Variants in CORIN observed in about 807,000 individuals in gnomAD.
The protein encoded by CORIN is atrial natriuretic peptide-converting enzyme.
A neutral mutation model predicts 125.3 loss-of-function variants in CORIN; 117 were observed. That is an observed-to-expected ratio of 0.93 (90% CI 0.80 to 1.09). The LOEUF is 1.09. CORIN is among the 50% of genes least tolerant of loss of function. The pLI is 0.00. For missense variants in CORIN, 1,253 were observed against 1,306.7 expected, an observed-to-expected ratio of 0.96 and a Z score of 0.63; for synonymous variants, 450 against 466.4, an observed-to-expected ratio of 0.96 and a Z score of 0.45.
chr4:47,773,624 G>A (rs1470584445), intron 3 of CORIN, among the ~76,000 whole-genome samples: 2 of 152,048 alleles, frequency 1.3e-5, no homozygotes, highest in Admixed American at 1.3e-4. Flanking sequence ...CTCTGCAAAG[G>A]AAGATTTTAT....
At chr4:47,750,240 T>G (rs1405597888) in intron 4 of CORIN, among the ~76,000 whole-genome samples, 1 of 152,156 alleles carries the variant, frequency 6.6e-6, no homozygotes, top group Admixed American at 6.5e-5. Context: ...AAGAGGCTTC[T>G]TTGGTTTCTA....
At chr4:47,602,296 C>A (rs1174437854) in intron 20 of CORIN, among the ~76,000 whole-genome samples, 2 of 151,962 alleles carry the variant, frequency 1.3e-5, no homozygotes, top group Admixed American at 1.3e-4. Context: ...AACAAACAAA[C>A]AATTATTATT....
At chr4:47,706,503 GC>G in intron 5 of CORIN, 1 of 1,611,488 alleles carries the variant, frequency 6.2e-7, no homozygotes, top group South Asian at 1.1e-5. Context: ...GCCCCACCCG[GC>G]CTGATAAAGC....
chr4:47,715,727 C>T (rs1032509459), intron 5 of CORIN, among the ~76,000 whole-genome samples: 2 of 152,186 alleles, frequency 1.3e-5, no homozygotes, highest in East Asian at 1.9e-4. Flanking sequence ...TGATCATAAT[C>T]GTCATAATAT....
At chr4:47,744,374 A>G (rs1190725562) in intron 5 of CORIN, 28 bp downstream of exon 5, 1 of 1,599,170 alleles carries the variant, frequency 6.3e-7, no homozygotes, top group South Asian at 1.1e-5. Context: ...AAAATCTTCT[A>G]AAAATGAAAT....
chr4:47,806,294 G>A lies in CORIN; in HGVS notation c.208+609C>T, dbSNP rs76458124. Among the ~76,000 whole-genome samples, 1,016 of 152,246 alleles carry A rather than the reference G, an allele frequency of 6.7e-3. 13 individuals carry two copies. Among genetic ancestry groups the A allele is most frequent in the African/African-American group, 0.022 (911 of 41,548 alleles). ...ATTCCTTAGTATTTAGTATGAAAAT[G>A]TAAGATGCTGTTTAATTTGGACTTT... On this transcript the variant is annotated intron_variant, in intron 2 of 21. Coordinates refer to ENST00000273857, the MANE Select transcript of CORIN (RefSeq NM_006587.4).
At chr4:47,618,344 A>AG (rs1553904530) in intron 19 of CORIN, among the ~76,000 whole-genome samples, 4 of 134,474 alleles carry the variant, frequency 3.0e-5, no homozygotes, top group Admixed American at 2.3e-4. Flanking sequence ...AAAAAAAAAA[A>AG]GGAAAGGAAA....
chr4:47,794,006 T>C (rs888900604), intron 2 of CORIN, among the ~76,000 whole-genome samples: 3 of 152,070 alleles, frequency 2.0e-5, no homozygotes, highest in Non-Finnish European at 4.4e-5. Flanking sequence ...CGGGCCTCAG[T>C]AGTTAAAGAA....
At chr4:47,786,340 G>A (rs1730809667) in intron 3 of CORIN, among the ~76,000 whole-genome samples, 1 of 152,050 alleles carries the variant, frequency 6.6e-6, no homozygotes, top group Non-Finnish European at 1.5e-5. Flanking sequence ...TTCGAGACCA[G>A]CCTGGCCAAT....
intron 5 of CORIN, chr4:47,706,530 C>T: frequency 1.9e-6 from 3 of 1,611,168 alleles, no homozygotes; most frequent in Non-Finnish European, 2.5e-6. Context: ...AACTGGGCTA[C>T]AAGGCCAAGC....
rs77566459 is a variant in CORIN at position 47,808,368 on chromosome 4, C to T, written c.64-1321G>A. Among the ~76,000 whole-genome samples the T allele has an allele frequency of 7.5e-3, 1,145 of 152,230 alleles. 13 individuals carry two copies. Among genetic ancestry groups the T allele is most frequent in the African/African-American group, 0.026 (1,077 of 41,530 alleles). ...CTGTAATATTCTCAGGACTTCCTGA[C>T]GAGTATTTGATTATTTCCCGTGGAT... On this transcript the variant is annotated intron_variant, in intron 1 of 21. Coordinates refer to ENST00000273857, the MANE Select transcript of CORIN (RefSeq NM_006587.4).
At chr4:47,669,865 G>A (rs1013043372) in intron 10 of CORIN, among the ~76,000 whole-genome samples, 8 of 152,104 alleles carry the variant, frequency 5.3e-5, no homozygotes, top group African/African-American at 7.2e-5. Context: ...CACCGCACCC[G>A]GCTTCTTTAT....
intron 3 of CORIN, among the ~76,000 whole-genome samples, chr4:47,765,039 C>T (rs1268248186): frequency 6.6e-6 from 1 of 152,058 alleles, no homozygotes; most frequent in African/African-American, 2.4e-5. Flanking sequence ...GGGCCGGGTG[C>T]GGTGGCTCAC....
chr4:47,686,185 AC>A (rs1725509770), intron 6 of CORIN, among the ~76,000 whole-genome samples: 1 of 151,780 alleles, frequency 6.6e-6, no homozygotes, highest in Non-Finnish European at 1.5e-5. Flanking sequence ...TAAAAAAAAA[AC>A]AACTTAAAGT....
chr4:47,795,293 G>T (rs1296868238), intron 2 of CORIN, among the ~76,000 whole-genome samples: 1 of 152,056 alleles, frequency 6.6e-6, no homozygotes, highest in Non-Finnish European at 1.5e-5. Context: ...GGCTCCAAAT[G>T]AATTTTAGGA....
intron 5 of CORIN, among the ~76,000 whole-genome samples, chr4:47,740,588 C>T (rs1334334809): frequency 1.3e-5 from 2 of 151,820 alleles, no homozygotes; most frequent in Non-Finnish European, 3.0e-5. Flanking sequence ...CATATGTAAT[C>T]TTTATCAAAA....
chr4:47,795,251 CA>C (rs1231026188), intron 2 of CORIN, among the ~76,000 whole-genome samples: 3 of 152,046 alleles, frequency 2.0e-5, no homozygotes, highest in African/African-American at 7.2e-5. Flanking sequence ...CGTTTCTGCT[CA>C]AAATCGCTTT....
intron 2 of CORIN, among the ~76,000 whole-genome samples, chr4:47,797,619 CAG>C (rs1489426112): frequency 1.3e-5 from 2 of 151,982 alleles, no homozygotes; most frequent in Non-Finnish European, 2.9e-5. Flanking sequence ...TTCTTATGGA[CAG>C]AGTTAATGTG....
rs566631801 is a variant in CORIN at position 47,711,110 on chromosome 4, C to T, written c.800-18027G>A. 2.6e-5 allele frequency among the ~76,000 whole-genome samples: 4 copies of T among 152,286 alleles called. No individual in the cohort carries two copies. The East Asian group carries it at 5.8e-4, about 22-fold the overall frequency. On this transcript the variant is annotated intron_variant, in intron 5 of 21. Transcript: ENST00000273857. The stretch of plus-strand genomic sequence containing the variant: ...GAAGTCCCCTAAGAAGTCCCACTGG[C>T]AGGGGTCTCAGCATCCCAGTACCCC...
Sources: allele counts gnomAD v4.1 joint callset (sites outside exome capture counted in the v4.1 genomes callset), GRCh38; gene constraint gnomAD v4.1.1; transcripts MANE v1.5; gene names NCBI Gene and HGNC (gene_info 2026-07-23, HGNC 2026-07-21).